ITPRID1: variants seen among roughly 807,000 people sequenced by gnomAD.
ITPRID1 encodes protein ITPRID1.
In ITPRID1, 96 loss-of-function variants were observed where a neutral mutation model predicts 95.4. The observed-to-expected ratio is 1.01, with a 90% CI of 0.85 to 1.19. The LOEUF (loss-of-function observed/expected upper bound fraction) is 1.19, where lower values mean the gene tolerates loss of function less well. ITPRID1 is among the 50% of genes most tolerant of loss of function. ITPRID1 has a pLI of 0.00. For missense variants in ITPRID1, 1,339 were observed against 1,252.9 expected (o/e 1.07, Z -1.04); for synonymous variants, 510 against 453.6 (o/e 1.12, Z -1.58).
At chr7:31,657,819 C>T (rs183264749), downstream of ITPRID1, among the ~76,000 whole-genome samples, 6 of 151,896 alleles carry the variant, frequency 4.0e-5, no homozygotes, top group East Asian at 1.2e-3. Flanking sequence ...ATTATGAGAC[C>T]AAACTCAAGT....
Position 31,577,863 on chromosome 7 carries a change from G to GTCGT in ITPRID1, c.601_604dup (p.Phe202SerfsTer21). 1 of 1,584,260 alleles carries GTCGT rather than the reference G, an allele frequency of 6.3e-7. No homozygotes were observed. Among genetic ancestry groups the GTCGT allele is most frequent in the African/African-American group, 1.4e-5 (1 of 73,966 alleles). On this transcript the variant is annotated frameshift_variant and splice_region_variant, in exon 9 of 15. Coordinates refer to ENST00000615280, the MANE Select transcript of ITPRID1 (RefSeq NM_001257967.3). LOFTEE classifies it high-confidence loss of function. ...CTTTCGTGTTTCTTGTGTTGTGCAG[G>GTCGT]TCGTTTCCGACAGCTGGAAATCCTG...
intron 10 of ITPRID1, among the ~76,000 whole-genome samples, chr7:31,621,320 T>A: frequency 9.1e-6 from 1 of 109,470 alleles, no homozygotes; most frequent in African/African-American, 3.6e-5. Context: ...TTCACCAAAG[T>A]TGAAATGAAG....
At chr7:31,593,910 G>C (rs1785967120) in intron 10 of ITPRID1, among the ~76,000 whole-genome samples, 1 of 152,094 alleles carries the variant, frequency 6.6e-6, no homozygotes, top group South Asian at 2.1e-4. Flanking sequence ...ATATGGAAAG[G>C]TCTCTGAGAC....
intron 10 of ITPRID1, among the ~76,000 whole-genome samples, chr7:31,591,829 A>G (rs140060545): frequency 1.5e-3 from 232 of 152,292 alleles, no homozygotes; most frequent in African/African-American, 5.2e-3. Context: ...ACTTTGATTT[A>G]ATAAATAAAT....
intron 10 of ITPRID1, among the ~76,000 whole-genome samples, chr7:31,599,646 TTTTTCTTTCTTTC>T (rs1562598882): frequency 0.01 from 290 of 28,960 alleles, 15 homozygotes; most frequent in African/African-American, 0.027. Context: ...TCTTTCTTTC[TTTTTCTTTCTTTC>T]CTTTCTCTCT....
Position 31,578,295 on chromosome 7 carries a change from C to T in ITPRID1, c.1031C>T (p.Ala344Val), listed in dbSNP as rs1385030698. 6.2e-6 allele frequency: 10 copies of T among 1,613,874 alleles called. No individual in the cohort carries two copies. The highest frequency in any genetic ancestry group is 1.3e-5 in the African/African-American group (1 of 75,020). ...CAGTGGCCTTGCTCATCTATGCCGGCCAAGCAGGCTCCTCCTTCCTGTGTG... is the reference window on the plus strand; with the variant it reads ...CAGTGGCCTTGCTCATCTATGCCGGTCAAGCAGGCTCCTCCTTCCTGTGTG... ...SKQWPCSSMP[A>V]KQAPPSCVSE... Residue 344 changes from alanine to valine, a missense_variant, in exon 9 of 15, where the codon GCC becomes GTC. By Grantham distance (64) the Ala-to-Val change is moderately conservative. Coordinates refer to ENST00000615280, the MANE Select transcript of ITPRID1 (RefSeq NM_001257967.3).
At chr7:31,595,083 T>C (rs1383617276) in intron 10 of ITPRID1, among the ~76,000 whole-genome samples, 1 of 148,400 alleles carries the variant, frequency 6.7e-6, no homozygotes, top group Admixed American at 6.7e-5. Flanking sequence ...TTTTTTTTTT[T>C]TTTTTTGAGA....
At chr7:31,583,039 C>T (rs183470934) in intron 9 of ITPRID1, 95 bp from the exon 10 acceptor site, 1 of 828,314 alleles carries the variant, frequency 1.2e-6, no homozygotes, top group Admixed American at 1.9e-5. Context: ...ATGTTTATCC[C>T]TCTTATCAGT....
chr7:31,558,783 G>C (rs1254239004), intron 5 of ITPRID1, among the ~76,000 whole-genome samples: 3 of 152,138 alleles, frequency 2.0e-5, no homozygotes, highest in African/African-American at 7.2e-5. Context: ...TACCGCCAAT[G>C]ACAGCACACT....
intron 1 of ITPRID1, among the ~76,000 whole-genome samples, chr7:31,531,468 G>A (rs1319918106): frequency 6.6e-6 from 1 of 152,160 alleles, no homozygotes; most frequent in Non-Finnish European, 1.5e-5. Flanking sequence ...TTGGTTTTGA[G>A]GTCTCTCTCT....
At chr7:31,630,907 A>T (rs935811009) in intron 10 of ITPRID1, among the ~76,000 whole-genome samples, 13 of 152,256 alleles carry the variant, frequency 8.5e-5, no homozygotes, top group African/African-American at 2.9e-4. Context: ...ATACATACAA[A>T]AATGTATGAA....
At chr7:31,539,955 G>T (rs1184379219) in intron 1 of ITPRID1, among the ~76,000 whole-genome samples, 4 of 152,140 alleles carry the variant, frequency 2.6e-5, no homozygotes, top group Non-Finnish European at 5.9e-5. Context: ...ATGGTTTATG[G>T]TCATGCTGAC....
intron 10 of ITPRID1, among the ~76,000 whole-genome samples, chr7:31,617,627 A>ATGATTT (rs1787385286): frequency 7.8e-6 from 1 of 128,418 alleles, no homozygotes; most frequent in Non-Finnish European, 1.6e-5. Context: ...TACCTTCTAA[A>ATGATTT]TGATTTAATG....
At chr7:31,526,778 A>G (rs991070635) in intron 1 of ITPRID1, among the ~76,000 whole-genome samples, 1 of 151,980 alleles carries the variant, frequency 6.6e-6, no homozygotes, top group Admixed American at 6.6e-5. Flanking sequence ...TCACTTATCT[A>G]CATTTCTACT....
chr7:31,570,560 C>T (rs767295347), intron 6 of ITPRID1, among the ~76,000 whole-genome samples: 2 of 152,192 alleles, frequency 1.3e-5, no homozygotes, highest in Non-Finnish European at 2.9e-5. Flanking sequence ...TACCAATTCA[C>T]CCCTAAAATG....
chr7:31,582,818 ATATACT>A (rs1385011247), intron 9 of ITPRID1, among the ~76,000 whole-genome samples: 2 of 152,134 alleles, frequency 1.3e-5, no homozygotes, highest in South Asian at 2.1e-4. Context: ...CTTTCTCCAA[ATATACT>A]TAAAGTTCTT....
chr7:31,570,660 G>A (rs1004779909), intron 6 of ITPRID1, among the ~76,000 whole-genome samples: 3 of 152,222 alleles, frequency 2.0e-5, no homozygotes, highest in East Asian at 3.9e-4. Flanking sequence ...AAATCTCTCA[G>A]GCAACTCTCG....
chr7:31,645,369 C>T (rs891962359), intron 12 of ITPRID1, among the ~76,000 whole-genome samples: 7 of 152,070 alleles, frequency 4.6e-5, no homozygotes, highest in African/African-American at 1.4e-4. Context: ...TTTTTAATTG[C>T]AAGACTCCCA....
intron 1 of ITPRID1, among the ~76,000 whole-genome samples, chr7:31,538,923 G>A (rs1024116598): frequency 2.6e-5 from 4 of 152,008 alleles, no homozygotes; most frequent in East Asian, 3.9e-4. Flanking sequence ...ACCCAATTAC[G>A]GTGGTTCCTG....
Sources: allele counts gnomAD v4.1 joint callset (sites outside exome capture counted in the v4.1 genomes callset), GRCh38; gene constraint gnomAD v4.1.1; transcripts MANE v1.5; gene names NCBI Gene and HGNC (gene_info 2026-07-23, HGNC 2026-07-21).